GPC5: variants seen among roughly 807,000 people sequenced by gnomAD.
GPC5 encodes glypican-5.
A neutral mutation model predicts 53.9 loss-of-function variants in GPC5; 47 were observed. That is an observed-to-expected ratio of 0.87 (90% CI 0.69 to 1.11). The LOEUF (loss-of-function observed/expected upper bound fraction) is 1.11. Ranked by LOEUF, GPC5 falls within the 50% of genes most tolerant of loss-of-function variation. The pLI is 0.00. For synonymous variants in GPC5, 286 were observed against 263.3 expected (o/e 1.09, Z -0.84); for missense variants, 748 against 713.1 (o/e 1.05, Z -0.56).
At chr13:92,355,335 G>A (rs956767337) in intron 7 of GPC5, among the ~76,000 whole-genome samples, 3 of 151,222 alleles carry the variant, frequency 2.0e-5, no homozygotes, top group African/African-American at 7.3e-5. Context: ...TAAGTTATCT[G>A]AGGAAACCTC....
At chr13:91,997,580 G>A (rs562825595) in intron 6 of GPC5, among the ~76,000 whole-genome samples, 5 of 152,220 alleles carry the variant, frequency 3.3e-5, no homozygotes, top group East Asian at 1.9e-4. Context: ...GTGCAGTGGC[G>A]TGATCTCAGC....
At chr13:91,617,288 T>TG (rs1388098988) in intron 2 of GPC5, among the ~76,000 whole-genome samples, 2 of 152,100 alleles carry the variant, frequency 1.3e-5, no homozygotes, top group Non-Finnish European at 2.9e-5. Flanking sequence ...CTGCATAGGC[T>TG]GGGGGGAAGA....
chr13:92,784,531 G>C (rs555716722), intron 7 of GPC5, among the ~76,000 whole-genome samples: 6 of 151,684 alleles, frequency 4.0e-5, no homozygotes, highest in Non-Finnish European at 8.8e-5. Flanking sequence ...ATATCTAAAA[G>C]GTCACTTCAT....
intron 7 of GPC5, among the ~76,000 whole-genome samples, chr13:92,566,648 T>C (rs533880636): frequency 8.5e-5 from 13 of 152,132 alleles, no homozygotes; most frequent in Non-Finnish European, 1.8e-4. Context: ...TCTAGTGTTA[T>C]GGTTTGGTCT....
Position 92,046,434 on chromosome 13 carries a change from T to C in GPC5, c.1402-98396T>C, listed in dbSNP as rs551743136. ...ATATTTTGAAAACTCAGAAGCATGT[T>C]AGGAGTTTCAATTGGATACTATATG... On this transcript the variant is annotated intron_variant, in intron 6 of 7. Transcript: ENST00000377067. Among the ~76,000 whole-genome samples the C allele has an allele frequency of 3.3e-5, 5 of 152,314 alleles. No individual in the cohort carries two copies. The South Asian group carries it at 8.3e-4, about 25-fold the overall frequency.
At chr13:92,415,878 G>A (rs1373004666) in intron 7 of GPC5, among the ~76,000 whole-genome samples, 1 of 152,164 alleles carries the variant, frequency 6.6e-6, no homozygotes, top group Non-Finnish European at 1.5e-5. Context: ...TAGGTTTAGT[G>A]ACATGAGGGT....
intron 7 of GPC5, among the ~76,000 whole-genome samples, chr13:92,784,487 TTACAGATG>T (rs1002531766): frequency 3.3e-5 from 5 of 152,156 alleles, no homozygotes; most frequent in Admixed American, 3.3e-4. Context: ...CTTTTTTTTT[TTACAGATG>T]TAATGTATGG....
chr13:92,832,805 C>T (rs1250368249), intron 7 of GPC5, among the ~76,000 whole-genome samples: 1 of 152,046 alleles, frequency 6.6e-6, no homozygotes, highest in Non-Finnish European at 1.5e-5. Flanking sequence ...GTCAGGAGTT[C>T]GAGACCAGCC....
intron 7 of GPC5, among the ~76,000 whole-genome samples, chr13:92,680,815 G>T (rs1173115697): frequency 6.6e-6 from 1 of 152,094 alleles, no homozygotes; most frequent in African/African-American, 2.4e-5. Context: ...TAAACGCAAC[G>T]GGAAGACACA....
chr13:92,438,144 G>C (rs557137461), intron 7 of GPC5, among the ~76,000 whole-genome samples: 3 of 151,688 alleles, frequency 2.0e-5, no homozygotes, highest in African/African-American at 7.2e-5. Flanking sequence ...TTTAGTGCTG[G>C]GAATAAAATT....
At chr13:92,783,466 C>G (rs530310095) in intron 7 of GPC5, among the ~76,000 whole-genome samples, 75 of 152,312 alleles carry the variant, frequency 4.9e-4, no homozygotes, top group Non-Finnish European at 1.0e-3. Context: ...TGGAAATCCC[C>G]TATTTTGGAA....
intron 2 of GPC5, among the ~76,000 whole-genome samples, chr13:91,505,266 C>T (rs1275632522): frequency 6.6e-6 from 1 of 151,946 alleles, no homozygotes; most frequent in Admixed American, 6.6e-5. Flanking sequence ...TAGTATAGCA[C>T]AGGAGTATGC....
intron 7 of GPC5, among the ~76,000 whole-genome samples, chr13:92,610,847 A>G (rs1884410572): frequency 6.6e-6 from 1 of 151,998 alleles, no homozygotes; most frequent in South Asian, 2.1e-4. Flanking sequence ...TATCACCCCC[A>G]TGATTCAATT....
At chr13:91,547,914 C>A (rs2030388774) in intron 2 of GPC5, among the ~76,000 whole-genome samples, 1 of 152,100 alleles carries the variant, frequency 6.6e-6, no homozygotes, top group Admixed American at 6.6e-5. Flanking sequence ...CAAAATCCAA[C>A]ATCAATTCAT....
intron 7 of GPC5, among the ~76,000 whole-genome samples, chr13:92,600,847 C>T (rs1366322688): frequency 1.3e-5 from 2 of 152,030 alleles, no homozygotes; most frequent in Non-Finnish European, 2.9e-5. Flanking sequence ...TTCATTGGCT[C>T]ATTCTGTGTA....
At chr13:92,396,454 A>C (rs892221438) in intron 7 of GPC5, among the ~76,000 whole-genome samples, 18 of 149,946 alleles carry the variant, frequency 1.2e-4, no homozygotes, top group African/African-American at 4.4e-4. Flanking sequence ...TGATGAGTCC[A>C]ACACTTGTGT....
intron 7 of GPC5, among the ~76,000 whole-genome samples, chr13:92,798,194 G>A (rs890452517): frequency 1.3e-5 from 2 of 151,766 alleles, no homozygotes; most frequent in South Asian, 2.1e-4. Flanking sequence ...GAAGCATACT[G>A]GTTGTTTTTT....
At chr13:91,414,815 A>C (rs537810418) in intron 1 of GPC5, among the ~76,000 whole-genome samples, 1 of 152,308 alleles carries the variant, frequency 6.6e-6, no homozygotes, top group South Asian at 2.1e-4. Context: ...CTTATAAAGT[A>C]TGGCTATTTT....
intron 7 of GPC5, among the ~76,000 whole-genome samples, chr13:92,209,766 T>A (rs2042361926): frequency 6.6e-6 from 1 of 152,072 alleles, no homozygotes; most frequent in Non-Finnish European, 1.5e-5. Flanking sequence ...TGTATTAGGG[T>A]TCTCTAGAGG....
Sources: gnomAD v4.1 joint callset for allele counts (sites outside exome capture counted in the v4.1 genomes callset) on GRCh38, gnomAD v4.1.1 for gene constraint, MANE v1.5 for transcripts, NCBI Gene and HGNC (gene_info 2026-07-23, HGNC 2026-07-21) for gene names.